Variants in REV3L observed in about 807,000 individuals in gnomAD.
REV3L encodes the protein DNA polymerase zeta catalytic subunit.
In REV3L, 69 loss-of-function variants were observed where a neutral mutation model predicts 299.4. The ratio of observed to expected loss-of-function variants is 0.23; its 90% CI spans 0.19 to 0.28. REV3L has a LOEUF of 0.28. REV3L is among the 10% of genes least tolerant of loss of function. The pLI, the probability that REV3L is intolerant of heterozygous loss-of-function variation, is 1.00. For synonymous variants in REV3L, 1,238 were observed against 1,271.4 expected (o/e 0.97, Z 0.56); for missense variants, 3,128 against 3,693.8 (o/e 0.85, Z 3.97).
intron 1 of REV3L, among the ~76,000 whole-genome samples, chr6:111,482,465 G>C (rs1215985578): frequency 6.6e-6 from 1 of 151,226 alleles, no homozygotes; most frequent in Non-Finnish European, 1.5e-5. Flanking sequence ...CCGCGCCCTG[G>C]AGTGCGGCTC....
At chr6:111,464,114 A>AT (rs962285939) in intron 1 of REV3L, among the ~76,000 whole-genome samples, 2 of 152,018 alleles carry the variant, frequency 1.3e-5, no homozygotes, top group Admixed American at 6.6e-5. Flanking sequence ...AATAACAAAA[A>AT]TTTAAAAAAA....
intron 1 of REV3L, among the ~76,000 whole-genome samples, chr6:111,469,823 G>A: frequency 6.6e-6 from 1 of 152,140 alleles, no homozygotes; most frequent in East Asian, 1.9e-4. Context: ...GCTTAATTGA[G>A]CCCAGCCCAG....
At chr6:111,349,547 T>C (rs774178104) in intron 19 of REV3L, among the ~76,000 whole-genome samples, 6 of 152,198 alleles carry the variant, frequency 3.9e-5, no homozygotes, top group Non-Finnish European at 7.3e-5. Flanking sequence ...CTTTTTTCTT[T>C]AGATTTGGTA....
chr6:111,441,235 T>G (rs1391454598), intron 1 of REV3L, among the ~76,000 whole-genome samples: 3 of 152,188 alleles, frequency 2.0e-5, no homozygotes, highest in Non-Finnish European at 4.4e-5. Flanking sequence ...ATCTGTTCTT[T>G]TTGTTACTGT....
At chr6:111,344,515 C>T (rs576988162) in intron 20 of REV3L, among the ~76,000 whole-genome samples, 10 of 152,252 alleles carry the variant, frequency 6.6e-5, no homozygotes, top group African/African-American at 2.4e-4. Context: ...CTAGACCCCA[C>T]TACACAGACA....
At chr6:111,386,870 C>T (rs1026369489) in intron 9 of REV3L, among the ~76,000 whole-genome samples, 6 of 151,676 alleles carry the variant, frequency 4.0e-5, no homozygotes, top group East Asian at 1.9e-4. Flanking sequence ...TACAGGTGTG[C>T]GCCACCACGC....
chr6:111,347,377 T>A (rs1777139513), intron 20 of REV3L, among the ~76,000 whole-genome samples: 1 of 152,024 alleles, frequency 6.6e-6, no homozygotes, highest in East Asian at 1.9e-4. Context: ...TAGAAATTAC[T>A]TTAAATCACT....
At chr6:111,315,243 TTA>T in intron 27 of REV3L, 22 bp downstream of exon 27, 2 of 1,549,316 alleles carry the variant, frequency 1.3e-6, no homozygotes, top group Non-Finnish European at 1.8e-6. Flanking sequence ...TTATATGTAA[TTA>T]CTAATATTAC....
chr6:111,373,117 A>G lies in REV3L; in HGVS notation c.5238T>C (p.Asn1746=). The part of the protein sequence containing the change: ...NENRRHNQWK[N]SFHPLTTRSN... ...ACCGAGTTGTTAGAGGATGAAAGCT[A>G]TTTTTCCACTGGTTGTGGCGACGAT... is the stretch of plus-strand genomic sequence containing the variant. Residue 1746 remains asparagine, a synonymous_variant, in exon 13 of 32, where the codon AAT becomes AAC. Coordinates refer to ENST00000368802, the MANE Select transcript of REV3L (RefSeq NM_001372078.1). 2 of 1,614,064 alleles carry G rather than the reference A, an allele frequency of 1.2e-6. No individual in the cohort carries two copies. Among genetic ancestry groups the G allele is most frequent in the South Asian group, 1.1e-5 (1 of 91,082 alleles).
chr6:111,440,877 G>A (rs535970821), intron 1 of REV3L, among the ~76,000 whole-genome samples: 4 of 152,066 alleles, frequency 2.6e-5, no homozygotes, highest in African/African-American at 9.7e-5. Flanking sequence ...AGAATAATTC[G>A]AGGTTGGTGT....
intron 3 of REV3L, among the ~76,000 whole-genome samples, chr6:111,409,523 A>G (rs948082625): frequency 2.0e-5 from 3 of 152,194 alleles, no homozygotes; most frequent in Non-Finnish European, 4.4e-5. Context: ...AGATCTTAGT[A>G]TTTTAGTATA....
intron 6 of REV3L, among the ~76,000 whole-genome samples, chr6:111,389,476 TATGAAA>T (rs1781682569): frequency 6.6e-6 from 1 of 152,166 alleles, no homozygotes; most frequent in African/African-American, 2.4e-5. Context: ...TGATATATAA[TATGAAA>T]ATTAAGAAAT....
chr6:111,323,722 G>A (rs1286025638), intron 25 of REV3L, among the ~76,000 whole-genome samples: 2 of 152,188 alleles, frequency 1.3e-5, no homozygotes, highest in Non-Finnish European at 2.9e-5. Flanking sequence ...AAAGCTAAGA[G>A]TGGGAAAAAT....
intron 3 of REV3L, among the ~76,000 whole-genome samples, chr6:111,407,216 T>C (rs1025284293): frequency 2.0e-5 from 3 of 152,194 alleles, no homozygotes; most frequent in African/African-American, 7.2e-5. Context: ...GTTTGATATA[T>C]TGTTTAGAAG....
At chr6:111,451,981 C>CTTGA (rs1361089019) in intron 1 of REV3L, among the ~76,000 whole-genome samples, 1 of 151,986 alleles carries the variant, frequency 6.6e-6, no homozygotes, top group African/African-American at 2.4e-5. Flanking sequence ...TGATAAAGGA[C>CTTGA]TTGAGTCCAG....
intron 21 of REV3L, 114 bp from the exon 22 acceptor site, chr6:111,335,724 G>A: frequency 9.4e-7 from 1 of 1,061,032 alleles, no homozygotes; most frequent in African/African-American, 1.6e-5. Context: ...CTTAAGGAAA[G>A]AGTAATGATA....
chr6:111,318,659 C>A (rs1412018930), intron 26 of REV3L, among the ~76,000 whole-genome samples: 1 of 152,124 alleles, frequency 6.6e-6, no homozygotes, highest in Non-Finnish European at 1.5e-5. Flanking sequence ...GCAACCTCTG[C>A]CTCCCAAGTC....
intron 18 of REV3L, among the ~76,000 whole-genome samples, chr6:111,355,263 T>C (rs921074565): frequency 6.6e-6 from 1 of 152,128 alleles, no homozygotes; most frequent in African/African-American, 2.4e-5. Context: ...ACAGTTAACA[T>C]TTATGTACTC....
At chr6:111,387,654 A>C (rs928470167) in intron 9 of REV3L, 111 bp downstream of exon 9, 1 of 1,067,056 alleles carries the variant, frequency 9.4e-7, no homozygotes, top group African/African-American at 1.6e-5. Flanking sequence ...CTATATCCAC[A>C]ATATTTATTT....
Sources: allele counts gnomAD v4.1 joint callset (sites outside exome capture counted in the v4.1 genomes callset), GRCh38; gene constraint gnomAD v4.1.1; transcripts MANE v1.5; gene names NCBI Gene and HGNC (gene_info 2026-07-23, HGNC 2026-07-21).